SDK1: variants seen among roughly 807,000 people sequenced by gnomAD.
SDK1 encodes the protein sidekick cell adhesion molecule 1.
SDK1 carries 157 observed loss-of-function variants against 245.5 expected under a neutral mutation model. The observed-to-expected ratio is 0.64, with a 90% CI of 0.56 to 0.73. The LOEUF is 0.73. SDK1 is among the 30% of genes least tolerant of loss of function. The pLI, the probability that SDK1 is intolerant of heterozygous loss-of-function variation, is 0.00. For synonymous variants in SDK1, 1,647 were observed against 1,278.5 expected, an observed-to-expected ratio of 1.29 and a Z score of -6.15; for missense variants, 3,583 against 3,002.3, an observed-to-expected ratio of 1.19 and a Z score of -4.52.
intron 1 of SDK1, among the ~76,000 whole-genome samples, chr7:3,497,529 A>G (rs543163483): frequency 2.0e-5 from 3 of 152,140 alleles, no homozygotes; most frequent in African/African-American, 7.2e-5. Context: ...TGATTTTGCA[A>G]ATTGCAATAT....
intron 44 of SDK1, among the ~76,000 whole-genome samples, chr7:4,253,962 GT>G (rs1242973666): frequency 1.3e-5 from 2 of 151,678 alleles, no homozygotes; most frequent in Admixed American, 1.3e-4. Flanking sequence ...TGATTTCCTT[GT>G]TTTTGCTTTT....
At position 3,971,556 on chromosome 7, in the gene SDK1, G is replaced by A. The variant is rs201803447; in HGVS notation, c.1805G>A (p.Arg602Gln). The A allele has an allele frequency of 5.0e-6, 8 of 1,611,286 alleles. No individual in the cohort carries two copies. The African/African-American group carries it at 5.3e-5, about 11-fold the overall frequency. The change falls in exon 12 of 45, where the codon CGG becomes CAG. Residue 602 changes from arginine to glutamine, a missense_variant. By Grantham distance (43) the Arg-to-Gln change is conservative. Coordinates refer to ENST00000404826, the MANE Select transcript of SDK1 (RefSeq NM_152744.4). ...TLHCGATHDP[R>Q]VSLRYVWKKD... ...CACTGTGGTGCCACACATGACCCCC[G>A]GGTTTCACTCCGGTCAGCACAATCA...
chr7:3,623,009 C>T (rs560652295), intron 2 of SDK1, among the ~76,000 whole-genome samples: 5 of 151,904 alleles, frequency 3.3e-5, no homozygotes, highest in African/African-American at 9.7e-5. Flanking sequence ...ATATGTTAGC[C>T]TTCATGAGAC....
chr7:3,347,080 C>T (rs1780528158), intron 1 of SDK1, among the ~76,000 whole-genome samples: 1 of 151,566 alleles, frequency 6.6e-6, no homozygotes, highest in Non-Finnish European at 1.5e-5. Flanking sequence ...AAAGACTTTG[C>T]ATCTTCGTGC....
At chr7:4,023,977 G>A (rs940577639) in intron 17 of SDK1, among the ~76,000 whole-genome samples, 2 of 152,152 alleles carry the variant, frequency 1.3e-5, no homozygotes, top group Admixed American at 6.5e-5. Flanking sequence ...CCATTAAGAC[G>A]CAGATGTTGG....
At chr7:3,531,494 G>C (rs1234533160) in intron 1 of SDK1, among the ~76,000 whole-genome samples, 1 of 152,078 alleles carries the variant, frequency 6.6e-6, no homozygotes, top group Non-Finnish European at 1.5e-5. Flanking sequence ...AGTTTTCCCA[G>C]CCATATTCCG....
At position 4,145,840 on chromosome 7, in the gene SDK1, C is replaced by G. The variant is rs747209722; in HGVS notation, c.4347C>G (p.Ile1449Met). The change falls in exon 29 of 45, where the codon ATC (isoleucine) becomes ATG (methionine). Residue 1449 changes from isoleucine (I) to methionine (M), a missense_variant. Ile to Met is a conservative substitution (Grantham distance 10, BLOSUM62 1). Transcript: ENST00000404826. ...ACCTGGCCCCGGAGTCCGCATACAT[C>G]TTCAGGCTGTCCGCCAAGACGAGGC... ...ATDLAPESAY[I>M]FRLSAKTRQG... is the part of the protein sequence containing the mutation. The G allele has an allele frequency of 1.9e-6, 3 of 1,613,736 alleles. No homozygotes were observed. Among genetic ancestry groups the G allele is most frequent in the Non-Finnish European group, 2.5e-6 (3 of 1,179,958 alleles).
At chr7:4,202,186 C>T (rs375694057) in intron 35 of SDK1, among the ~76,000 whole-genome samples, 1 of 152,104 alleles carries the variant, frequency 6.6e-6, no homozygotes, top group Non-Finnish European at 1.5e-5. Context: ...TGATGCGTGT[C>T]TCTCTCTGAT....
At chr7:3,420,724 G>T (rs183125814) in intron 1 of SDK1, among the ~76,000 whole-genome samples, 31 of 152,294 alleles carry the variant, frequency 2.0e-4, no homozygotes, top group African/African-American at 6.7e-4. Flanking sequence ...CTTTATGGAA[G>T]AATTTGCGAC....
chr7:4,058,955 G>T (rs1562744438), intron 19 of SDK1, among the ~76,000 whole-genome samples: 1 of 152,006 alleles, frequency 6.6e-6, no homozygotes, highest in Non-Finnish European at 1.5e-5. Flanking sequence ...GAAGAGAAAG[G>T]ACCCAAATGT....
intron 4 of SDK1, among the ~76,000 whole-genome samples, chr7:3,644,243 T>TTATATATATATATA (rs66881824): frequency 4.7e-4 from 69 of 145,308 alleles, no homozygotes; most frequent in South Asian, 3.3e-3. Flanking sequence ...GAACAAAAAT[T>TTATATATATATATA]TATATATATA....
chr7:4,003,889 C>G (rs893380141), intron 14 of SDK1, among the ~76,000 whole-genome samples: 4 of 152,228 alleles, frequency 2.6e-5, no homozygotes, highest in East Asian at 1.9e-4. Context: ...GGGGCCCTCG[C>G]GGGCATTGCT....
rs546314828 is a variant in SDK1 at position 3,628,726 on chromosome 7, C to T, written c.458+9487C>T. On this transcript the variant is annotated intron_variant, in intron 2 of 44. Transcript: ENST00000404826. ...GTAACTGGGATCTGATTTACTGCCT[C>T]ATTTGAAACAACTGTAAAACTGGAC... 2.0e-5 allele frequency among the ~76,000 whole-genome samples: 3 copies of T among 152,280 alleles called. No individual in the cohort carries two copies. The South Asian group carries it at 6.2e-4, about 32-fold the overall frequency.
chr7:3,655,469 ATATATATATATATATATATATATATATAT>A lies in SDK1; in HGVS notation c.713+13365_713+13393del, dbSNP rs1417738472. Among the ~76,000 whole-genome samples, 7 of 33,494 alleles carry A rather than the reference ATATATATATATATATATATATATATATAT, an allele frequency of 2.1e-4. 1 individual carries two copies. Among genetic ancestry groups the A allele is most frequent in the African/African-American group, 5.5e-4 (7 of 12,634 alleles). 22.0% of individuals were successfully genotyped at this position (33,494 alleles called of 152,430 possible). A position where few individuals can be genotyped will look rare whatever the true frequency, so the allele number is the denominator to read the frequency against. ...AACAAATATATATATATATATATAT[ATATATATATATATATATATATATATATAT>A]ATATATGTATGTATGTATATAAAAT... On this transcript the variant is annotated intron_variant, in intron 4 of 44. Coordinates refer to ENST00000404826, the MANE Select transcript of SDK1 (RefSeq NM_152744.4).
At chr7:3,394,442 TA>T (rs1468573695) in intron 1 of SDK1, among the ~76,000 whole-genome samples, 1 of 152,164 alleles carries the variant, frequency 6.6e-6, no homozygotes, top group African/African-American at 2.4e-5. Context: ...TACCTTTATA[TA>T]AGATTTGAAA....
intron 5 of SDK1, among the ~76,000 whole-genome samples, chr7:3,936,962 C>T (rs563206889): frequency 3.7e-4 from 57 of 152,178 alleles, no homozygotes; most frequent in African/African-American, 1.3e-3. Flanking sequence ...CAGGTGTAGC[C>T]GAAGCTCAGG....
chr7:3,389,087 A>C (rs577404167), intron 1 of SDK1, among the ~76,000 whole-genome samples: 1 of 152,168 alleles, frequency 6.6e-6, no homozygotes, highest in South Asian at 2.1e-4. Flanking sequence ...CAGAAGGACC[A>C]CAAGGAATGA....
chr7:4,015,803 C>T (rs942610344), intron 16 of SDK1, among the ~76,000 whole-genome samples: 17 of 152,318 alleles, frequency 1.1e-4, no homozygotes, highest in Middle Eastern at 3.4e-3. Flanking sequence ...GAAGGAGGCC[C>T]GGTACCTTCT....
At chr7:3,304,868 C>G (rs79004794) in intron 1 of SDK1, among the ~76,000 whole-genome samples, 2,486 of 152,260 alleles carry the variant, frequency 0.016, 62 homozygotes, top group African/African-American at 0.049. Context: ...GATGTCACTC[C>G]TAGAATTGGT....
Sources: allele counts gnomAD v4.1 joint callset (sites outside exome capture counted in the v4.1 genomes callset), GRCh38; gene constraint gnomAD v4.1.1; transcripts MANE v1.5; gene names NCBI Gene and HGNC (gene_info 2026-07-23, HGNC 2026-07-21).